BCL7A: variants seen among roughly 807,000 people sequenced by gnomAD.
The protein encoded by BCL7A is B-cell CLL/lymphoma 7 protein family member A.
BCL7A carries 11 observed loss-of-function variants against 28.4 expected under a neutral mutation model. That is an observed-to-expected ratio of 0.39 (90% confidence interval 0.24 to 0.64). The LOEUF is 0.64. Among genes scored for constraint, BCL7A ranks in the 30% least tolerant of loss-of-function variants. The pLI, the probability that BCL7A is intolerant of heterozygous loss-of-function variation, is 0.50. For missense variants in BCL7A, 222 were observed against 274.8 expected, an observed-to-expected ratio of 0.81 and a Z score of 1.36; for synonymous variants, 123 against 103.3, an observed-to-expected ratio of 1.19 and a Z score of -1.15.
chr12:122,037,154 C>T (rs987988689), intron 3 of BCL7A, among the ~76,000 whole-genome samples: 4 of 152,354 alleles, frequency 2.6e-5, no homozygotes, highest in African/African-American at 7.2e-5. Flanking sequence ...AAGCCAGAGC[C>T]GCCTTCCCTT....
rs151108243 is a variant in BCL7A at position 122,043,956 on chromosome 12, C to A, written c.342C>A (p.Ser114Arg). 6.2e-6 allele frequency: 10 copies of A among 1,613,964 alleles called. No homozygotes were observed. The highest frequency in any genetic ancestry group is 8.5e-6 in the Non-Finnish European group (10 of 1,180,008). Reference protein sequence around the residue: ...PIKQENSSNSSPAPEPNSAVP... With the variant: ...PIKQENSSNSRPAPEPNSAVP... Reference sequence around the variant, plus strand: ...AACAGGAGAACAGCAGCAACTCCAGCCCCGCTCCAGAGCCCAACTCGGCTG... The same window carrying A: ...AACAGGAGAACAGCAGCAACTCCAGACCCGCTCCAGAGCCCAACTCGGCTG... Residue 114 changes from serine (S) to arginine (R), a missense_variant, in exon 4 of 6, where the codon AGC becomes AGA. By Grantham distance (110) the Ser-to-Arg change is moderately radical. Around this residue, in one of 2 missense-constraint regions of BCL7A, gnomAD observed 155 missense variants for 145.7 expected, o/e 1.06. Transcript: ENST00000261822.
chr12:122,023,108 T>G (rs1883510660), intron 1 of BCL7A, among the ~76,000 whole-genome samples: 2 of 152,314 alleles, frequency 1.3e-5, no homozygotes, highest in East Asian at 1.9e-4. Context: ...CCGGTCGACA[T>G]TAAGGGGATC....
At chr12:122,034,312 C>T (rs968384248) in intron 2 of BCL7A, among the ~76,000 whole-genome samples, 2 of 145,390 alleles carry the variant, frequency 1.4e-5, no homozygotes, top group African/African-American at 5.1e-5. Flanking sequence ...CTGTGAAGAA[C>T]CACCTTATTC....
intron 5 of BCL7A, 38 bp downstream of exon 5, chr12:122,054,964 G>A: frequency 1.2e-6 from 2 of 1,614,096 alleles, no homozygotes; most frequent in Non-Finnish European, 1.7e-6. Context: ...AGCCAGATCG[G>A]CCGGGAGCCC....
intron 3 of BCL7A, among the ~76,000 whole-genome samples, chr12:122,041,968 C>T (rs1883972245): frequency 6.6e-6 from 1 of 152,212 alleles, no homozygotes; most frequent in East Asian, 1.9e-4. Flanking sequence ...TCCCAGCTAC[C>T]TGGGAGGCTG....
At chr12:122,055,049 T>A (rs893305389) in intron 5 of BCL7A, 123 bp downstream of exon 5, 38 of 1,572,020 alleles carry the variant, frequency 2.4e-5, no homozygotes, top group Admixed American at 3.4e-5. Flanking sequence ...CCATTGGAAC[T>A]GTCATTTGTC....
chr12:122,046,843 T>A (rs1255667240), intron 4 of BCL7A, among the ~76,000 whole-genome samples: 1 of 151,922 alleles, frequency 6.6e-6, no homozygotes. Flanking sequence ...TTGTGTTACC[T>A]CATGGCCACT....
chr12:122,053,136 C>T (rs935648768), intron 4 of BCL7A, among the ~76,000 whole-genome samples: 3 of 152,166 alleles, frequency 2.0e-5, no homozygotes, highest in African/African-American at 7.2e-5. Flanking sequence ...ACTGGGATTA[C>T]AGGCGTGCAC....
chr12:122,058,987 C>G, intron 5 of BCL7A, 105 bp from the exon 6 acceptor site: 1 of 945,760 alleles, frequency 1.1e-6, no homozygotes, highest in Non-Finnish European at 1.7e-6. Context: ...AACCACAAAG[C>G]CGCCCCCGCT....
intron 1 of BCL7A, among the ~76,000 whole-genome samples, chr12:122,025,147 C>T (rs530832404): frequency 2.6e-5 from 4 of 152,142 alleles, no homozygotes; most frequent in South Asian, 2.1e-4. Flanking sequence ...GGGCCCTGTG[C>T]TGGTGGAGGA....
intron 3 of BCL7A, among the ~76,000 whole-genome samples, chr12:122,040,856 C>T (rs1027287328): frequency 6.6e-6 from 1 of 152,096 alleles, no homozygotes; most frequent in African/African-American, 2.4e-5. Flanking sequence ...ATCAGGGTCA[C>T]GCTGTTACCA....
intron 1 of BCL7A, among the ~76,000 whole-genome samples, 195 bp downstream of exon 1, chr12:122,022,378 G>T (rs1040582171): frequency 6.9e-6 from 1 of 144,142 alleles, no homozygotes; most frequent in African/African-American, 2.5e-5. Flanking sequence ...TGGGGCCGCG[G>T]CCGCTGCCCA....
intron 1 of BCL7A, among the ~76,000 whole-genome samples, chr12:122,023,080 G>C (rs1883509529): frequency 6.6e-6 from 1 of 152,270 alleles, no homozygotes; most frequent in African/African-American, 2.4e-5. Context: ...GATCACATTA[G>C]CGTCCGCCCG....
At chr12:122,050,844 C>T (rs1440359018) in intron 4 of BCL7A, among the ~76,000 whole-genome samples, 1 of 152,208 alleles carries the variant, frequency 6.6e-6, no homozygotes, top group African/African-American at 2.4e-5. Context: ...TCGCCGGGAG[C>T]GAAGGGGGCG....
chr12:122,025,966 A>AAAG (rs1555222585), intron 1 of BCL7A, among the ~76,000 whole-genome samples: 1,498 of 112,548 alleles, frequency 0.013, 133 homozygotes, highest in Middle Eastern at 0.046. Context: ...AAAAAAAAAA[A>AAAG]AAGAAGAAAG....
At chr12:122,035,821 C>T (rs1883838858) in intron 3 of BCL7A, among the ~76,000 whole-genome samples, 1 of 152,114 alleles carries the variant, frequency 6.6e-6, no homozygotes, top group South Asian at 2.1e-4. Context: ...AATCTCCAAA[C>T]TGGATTTTGT....
At chr12:122,039,102 C>G (rs1593028430) in intron 3 of BCL7A, among the ~76,000 whole-genome samples, 1 of 151,932 alleles carries the variant, frequency 6.6e-6, no homozygotes. Flanking sequence ...CGAGACCATC[C>G]TGGCTAACAC....
chr12:122,032,450 T>C (rs1454397872), intron 2 of BCL7A, among the ~76,000 whole-genome samples: 1 of 152,242 alleles, frequency 6.6e-6, no homozygotes, highest in African/African-American at 2.4e-5. Context: ...GTCCCTGCTC[T>C]CAAGGAATTT....
Position 122,059,175 on chromosome 12 carries a change from A to C in BCL7A, c.*12A>C. Reference sequence around the variant, plus strand: ...CCGAAGAGATGTAGACGATGCTTTAAAGCCTCCGATCCATGTTCCATGGAA... The same window carrying C: ...CCGAAGAGATGTAGACGATGCTTTACAGCCTCCGATCCATGTTCCATGGAA... On this transcript the variant is annotated 3_prime_UTR_variant, in exon 6 of 6. Transcript: ENST00000261822. The surrounding 1 kb of genome is among the most constrained non-coding windows in gnomAD (Gnocchi z 4.0). The C allele has an allele frequency of 6.2e-7, 1 of 1,603,822 alleles. No homozygotes were observed. Among genetic ancestry groups the C allele is most frequent in the Non-Finnish European group, 8.5e-7 (1 of 1,170,598 alleles).
Sources: allele counts gnomAD v4.1 joint callset (sites outside exome capture counted in the v4.1 genomes callset), GRCh38; gene constraint gnomAD v4.1.1; regional missense constraint gnomAD v4.1.1; non-coding constraint Gnocchi (gnomAD v3.1); transcripts MANE v1.5; gene names NCBI Gene and HGNC (gene_info 2026-07-23, HGNC 2026-07-21).